Variants in ANKRD17 observed in about 807,000 individuals in gnomAD.
The protein encoded by ANKRD17 is ankyrin repeat domain-containing protein 17.
Under a neutral mutation model 229.7 loss-of-function variants are expected in ANKRD17, and 19 were observed. That is an observed-to-expected ratio of 0.08 (90% CI 0.06 to 0.12). The LOEUF (loss-of-function observed/expected upper bound fraction) is 0.12, where lower values mean the gene tolerates loss of function less well. Ranked by LOEUF, ANKRD17 falls within the 10% of genes least tolerant of loss-of-function variation. ANKRD17 has a pLI of 1.00. For synonymous variants in ANKRD17, 1,112 were observed against 1,146.1 expected (o/e 0.97, Z 0.60); for missense variants, 2,176 against 3,176.8 (o/e 0.68, Z 7.57).
At chr4:73,124,620 T>C (rs1045222214) in intron 18 of ANKRD17, among the ~76,000 whole-genome samples, 11 of 152,200 alleles carry the variant, frequency 7.2e-5, no homozygotes, top group Non-Finnish European at 1.6e-4. Context: ...TGAGTGAATA[T>C]AGGCCCTGTA....
At chr4:73,114,201 C>G (rs1287444553) in intron 23 of ANKRD17, among the ~76,000 whole-genome samples, 1 of 152,058 alleles carries the variant, frequency 6.6e-6, no homozygotes, top group East Asian at 1.9e-4. Context: ...AATTGTACAG[C>G]AAACAGAACT....
intron 1 of ANKRD17, among the ~76,000 whole-genome samples, chr4:73,214,084 T>C (rs1172587532): frequency 1.3e-5 from 2 of 152,222 alleles, no homozygotes; most frequent in Non-Finnish European, 2.9e-5. Context: ...CTCAAACTCC[T>C]GACTTCCTGA....
At chr4:73,242,806 C>T (rs987660047) in intron 1 of ANKRD17, among the ~76,000 whole-genome samples, 1 of 152,144 alleles carries the variant, frequency 6.6e-6, no homozygotes, top group African/African-American at 2.4e-5. Flanking sequence ...CACCCCACTT[C>T]CACCCACAAA....
chr4:73,076,400 A>C (rs2110077247), intron 33 of ANKRD17, 110 bp from the exon 34 acceptor site: 1 of 684,054 alleles, frequency 1.5e-6, no homozygotes, highest in Middle Eastern at 4.7e-4. Flanking sequence ...ATATACTAGG[A>C]ACTAATGGAA....
intron 11 of ANKRD17, among the ~76,000 whole-genome samples, 155 bp downstream of exon 11, chr4:73,144,590 A>G (rs964806016): frequency 6.6e-6 from 1 of 152,190 alleles, no homozygotes; most frequent in Non-Finnish European, 1.5e-5. Flanking sequence ...GCATGGCAGG[A>G]TGTTTATCAA....
chr4:73,168,788 CA>C (rs1733579951), intron 2 of ANKRD17: 1 of 152,112 alleles, frequency 6.6e-6, no homozygotes. Flanking sequence ...TGTGTCCTTC[CA>C]ACTTTTATTT....
At chr4:73,150,904 G>A (rs1730919925) in intron 7 of ANKRD17, among the ~76,000 whole-genome samples, 1 of 152,088 alleles carries the variant, frequency 6.6e-6, no homozygotes, top group Non-Finnish European at 1.5e-5. Flanking sequence ...CGAGAGAGGG[G>A]AAATTATGTA....
chr4:73,247,499 T>C (rs1374175464), intron 1 of ANKRD17, among the ~76,000 whole-genome samples: 1 of 152,074 alleles, frequency 6.6e-6, no homozygotes, highest in African/African-American at 2.4e-5. Flanking sequence ...TATGAACATT[T>C]ATATTATGGA....
intron 24 of ANKRD17, among the ~76,000 whole-genome samples, chr4:73,111,133 G>T (rs1361111642): frequency 6.6e-5 from 10 of 151,986 alleles, no homozygotes; most frequent in Non-Finnish European, 1.5e-4. Context: ...CTGAAACCTT[G>T]GATAGTACTG....
chr4:73,185,434 T>C (rs1163853405), intron 1 of ANKRD17, among the ~76,000 whole-genome samples: 1 of 151,926 alleles, frequency 6.6e-6, no homozygotes, highest in African/African-American at 2.4e-5. Flanking sequence ...TATAAAAGCA[T>C]TTTAAAACAA....
Position 73,120,294 on chromosome 4 carries a change from G to A in ANKRD17, c.3893C>T (p.Ala1298Val). 3.7e-6 allele frequency: 6 copies of A among 1,614,032 alleles called. No homozygotes were observed. The highest frequency in any genetic ancestry group is 2.2e-5 in the East Asian group (1 of 44,866). ...ATCCAAAAGAACTCGGCCCACCTCCGCATATCCACCAGAGGCAGCTTCCAT... is the reference window on the plus strand; with the variant it reads ...ATCCAAAAGAACTCGGCCCACCTCCACATATCCACCAGAGGCAGCTTCCAT... ...PLMEAASGGY[A>V]EVGRVLLDKG... The change falls in exon 21 of 34, where the codon GCG (alanine) becomes GTG (valine). Residue 1298 changes from alanine (A) to valine (V), a missense_variant. Ala to Val is a moderately conservative substitution (Grantham distance 64). Transcript: ENST00000358602.
At chr4:73,113,641 T>A (rs938197842) in intron 24 of ANKRD17, 151 bp downstream of exon 24, 1 of 717,134 alleles carries the variant, frequency 1.4e-6, no homozygotes, top group Non-Finnish European at 2.3e-6. Context: ...GTACTCATAA[T>A]TCTCTCCACG....
At chr4:73,218,576 G>A (rs562757407) in intron 1 of ANKRD17, among the ~76,000 whole-genome samples, 2 of 150,906 alleles carry the variant, frequency 1.3e-5, no homozygotes, top group East Asian at 3.9e-4. Context: ...CCCTGAGGGG[G>A]AGGTTGCAGT....
intron 1 of ANKRD17, chr4:73,223,250 T>G (rs1298801656): frequency 9.9e-6 from 4 of 404,200 alleles, no homozygotes; most frequent in African/African-American, 2.1e-5. Flanking sequence ...TTCTGTCAAG[T>G]AATTTTAACA....
intron 27 of ANKRD17, 23 bp downstream of exon 27, chr4:73,097,094 G>A (rs763310521): frequency 8.1e-6 from 13 of 1,603,166 alleles, no homozygotes; most frequent in Non-Finnish European, 9.4e-6. Context: ...CACATAAAAA[G>A]AATGACAAAA....
At chr4:73,088,045 A>G (rs527727503) in intron 29 of ANKRD17, among the ~76,000 whole-genome samples, 1 of 152,234 alleles carries the variant, frequency 6.6e-6, no homozygotes, top group African/African-American at 2.4e-5. Flanking sequence ...AGCAGAGAAT[A>G]TATTAATAAA....
intron 1 of ANKRD17, among the ~76,000 whole-genome samples, chr4:73,216,278 G>A (rs765645866): frequency 1.6e-4 from 24 of 151,824 alleles, no homozygotes; most frequent in Non-Finnish European, 2.9e-4. Flanking sequence ...ATATGTAAAT[G>A]TTTTTAAATT....
chr4:73,166,272 G>C (rs567097599), intron 2 of ANKRD17, among the ~76,000 whole-genome samples: 1 of 152,294 alleles, frequency 6.6e-6, no homozygotes, highest in African/African-American at 2.4e-5. Context: ...TATTGAAAAT[G>C]AGACTGAAAT....
chr4:73,106,878 TAAA>T lies in ANKRD17; in HGVS notation c.4402-4334_4402-4332del, dbSNP rs35011113. On this transcript the variant is annotated intron_variant, in intron 24 of 33. Transcript: ENST00000358602. ...TGGCAATGGAGTGAGACTCCGTCTTTAAAAAAAAAAAAAAAAAAAAAAAAGCGA... is the reference window on the plus strand; with the variant it reads ...TGGCAATGGAGTGAGACTCCGTCTTTAAAAAAAAAAAAAAAAAAAAAGCGA... Among the ~76,000 whole-genome samples, 109 of 49,264 alleles carry T rather than the reference TAAA, an allele frequency of 2.2e-3. No individual in the cohort carries two copies. In the South Asian group the frequency reaches 0.031, roughly 14 times the overall value. 32.3% of individuals were successfully genotyped at this position (49,264 alleles called of 152,430 possible).
Sources: allele counts gnomAD v4.1 joint callset (sites outside exome capture counted in the v4.1 genomes callset), GRCh38; gene constraint gnomAD v4.1.1; transcripts MANE v1.5; gene names NCBI Gene and HGNC (gene_info 2026-07-23, HGNC 2026-07-21).